ACTR1A: variants seen among roughly 807,000 people sequenced by gnomAD.
ACTR1A encodes alpha-centractin.
In ACTR1A, 10 loss-of-function variants were observed where a neutral mutation model predicts 50.7. That is an observed-to-expected ratio of 0.20 (90% CI 0.12 to 0.33). ACTR1A has a LOEUF of 0.33. ACTR1A is among the 10% of genes least tolerant of loss of function. ACTR1A has a pLI of 1.00. For missense variants in ACTR1A, 253 were observed against 491.7 expected, an observed-to-expected ratio of 0.51 and a Z score of 4.59; for synonymous variants, 177 against 184.2, an observed-to-expected ratio of 0.96 and a Z score of 0.32.
At chr10:102,502,351 G>A (rs2062261230) in intron 1 of ACTR1A, among the ~76,000 whole-genome samples, 1 of 152,356 alleles carries the variant, frequency 6.6e-6, no homozygotes, top group African/African-American at 2.4e-5. Flanking sequence ...TAGAGCCAAG[G>A]GCCCAAGGAC....
chr10:102,495,812 G>A (rs2135588449), intron 1 of ACTR1A, among the ~76,000 whole-genome samples: 1 of 141,046 alleles, frequency 7.1e-6, no homozygotes, highest in South Asian at 2.3e-4. Context: ...CCAGGCTGGA[G>A]TGCAGTGGCG....
At chr10:102,495,234 G>A (rs1264209583) in intron 1 of ACTR1A, among the ~76,000 whole-genome samples, 1 of 152,082 alleles carries the variant, frequency 6.6e-6, no homozygotes, top group East Asian at 1.9e-4. Flanking sequence ...ACTCCAGACT[G>A]GGCGATAGAG....
At chr10:102,481,586 C>T (rs1329614740) in intron 9 of ACTR1A, among the ~76,000 whole-genome samples, 1 of 152,170 alleles carries the variant, frequency 6.6e-6, no homozygotes, top group Non-Finnish European at 1.5e-5. Flanking sequence ...GCAGGGGGCC[C>T]TCTACCTAGT....
rs988421081 is a variant in ACTR1A, at chr10:102,479,440, G to C, written c.*1423C>G. On this transcript the variant is annotated 3_prime_UTR_variant, in exon 11 of 11. Coordinates refer to ENST00000369905, the MANE Select transcript of ACTR1A (RefSeq NM_005736.4). This position sits in a 1 kb window ranked among gnomAD's most constrained non-coding sequence, Gnocchi z 4.0. The stretch of plus-strand genomic sequence containing the variant: ...GGGGCCTTTGGTCATAGGACGGCGT[G>C]GGGGAGAATACTGTGTGAAGTCTGG... The C allele has an allele frequency of 1.0e-5, 4 of 400,012 alleles. No individual in the cohort carries two copies. Among genetic ancestry groups the C allele is most frequent in the Non-Finnish European group, 1.8e-5 (4 of 217,150 alleles). The allele number at this position is 400,012 out of a possible 1,614,324, so 24.8% of individuals were successfully genotyped here.
intron 6 of ACTR1A, 137 bp downstream of exon 6, chr10:102,484,023 C>A (rs1247294596): frequency 2.1e-5 from 15 of 729,182 alleles, no homozygotes; most frequent in Admixed American, 5.0e-5. Flanking sequence ...GTAGGGGAGA[C>A]CTGGCTGGGA....
Position 102,479,299 on chromosome 10 carries a change from T to G in ACTR1A, c.*1564A>C. On this transcript the variant is annotated 3_prime_UTR_variant, in exon 11 of 11. Coordinates refer to ENST00000369905, the MANE Select transcript of ACTR1A (RefSeq NM_005736.4). This position sits in a 1 kb window ranked among gnomAD's most constrained non-coding sequence, Gnocchi z 4.0. ...CCAGGCAATGTGGTTTGTGCGAGGC[T>G]GTGCGAGGGACAGGCTTGGGCTAAG... is the stretch of plus-strand genomic sequence containing the variant. 2.3e-6 allele frequency: 1 copy of G among 439,098 alleles called. No homozygotes were observed. The highest frequency in any genetic ancestry group is 4.1e-6 in the Non-Finnish European group (1 of 244,308). 27.2% of individuals were successfully genotyped at this position (439,098 alleles called of 1,614,324 possible).
intron 1 of ACTR1A, among the ~76,000 whole-genome samples, chr10:102,490,870 G>C (rs2062188731): frequency 6.6e-6 from 1 of 152,030 alleles, no homozygotes; most frequent in Non-Finnish European, 1.5e-5. Context: ...GCAGGCACCT[G>C]TAGTTCCAGC....
At chr10:102,499,135 C>G (rs1356124700) in intron 1 of ACTR1A, among the ~76,000 whole-genome samples, 1 of 152,164 alleles carries the variant, frequency 6.6e-6, no homozygotes, top group African/African-American at 2.4e-5. Context: ...CTTTCTCCTG[C>G]ATTCTTTTGA....
intron 1 of ACTR1A, among the ~76,000 whole-genome samples, chr10:102,500,604 CA>C (rs2062245749): frequency 7.1e-6 from 1 of 141,686 alleles, no homozygotes; most frequent in Admixed American, 6.9e-5. Flanking sequence ...AACAAACAAA[CA>C]AAAATTAGCC....
intron 1 of ACTR1A, among the ~76,000 whole-genome samples, chr10:102,499,677 T>C (rs1184406978): frequency 5.3e-5 from 8 of 152,210 alleles, no homozygotes; most frequent in Admixed American, 3.9e-4. Context: ...TCCTTCTGCA[T>C]TGCTGATGAA....
chr10:102,487,696 A>C (rs2062175444), intron 4 of ACTR1A, among the ~76,000 whole-genome samples: 1 of 147,832 alleles, frequency 6.8e-6, no homozygotes. Context: ...CAGTGGCGCA[A>C]TCTCGGCTCA....
chr10:102,494,767 G>A (rs2062212054), intron 1 of ACTR1A, among the ~76,000 whole-genome samples: 1 of 152,164 alleles, frequency 6.6e-6, no homozygotes, highest in African/African-American at 2.4e-5. Flanking sequence ...AGACCAGCCT[G>A]GGCAACATGG....
chr10:102,500,678 A>T (rs1171154291), intron 1 of ACTR1A, among the ~76,000 whole-genome samples: 1 of 152,118 alleles, frequency 6.6e-6, no homozygotes, highest in African/African-American at 2.4e-5. Context: ...GAATCTCTTG[A>T]ACCTGGAGGC....
intron 2 of ACTR1A, among the ~76,000 whole-genome samples, chr10:102,489,997 A>C (rs2062184475): frequency 6.6e-6 from 1 of 152,124 alleles, no homozygotes. Flanking sequence ...GCACTTTGGG[A>C]GGCCGAGGCA....
chr10:102,489,259 GTTGA>G, intron 2 of ACTR1A, 121 bp from the exon 3 acceptor site: 1 of 587,672 alleles, frequency 1.7e-6, no homozygotes, highest in South Asian at 6.2e-5. Context: ...TGAAGTCACA[GTTGA>G]TTTTGATTTT....
chr10:102,487,308 G>A lies in ACTR1A; in HGVS notation c.315+842C>T, dbSNP rs538576762. 2.6e-5 allele frequency among the ~76,000 whole-genome samples: 4 copies of A among 152,202 alleles called. No individual in the cohort carries two copies. The South Asian group carries it at 8.3e-4, about 32-fold the overall frequency. On this transcript the variant is annotated intron_variant, in intron 4 of 10. Transcript: ENST00000369905. ...CTCATGCTGTAATCCCAGCTACTTG[G>A]GAAGCTGAGGCAGGAGAATCATTTG...
chr10:102,480,684 T>C lies in ACTR1A; in HGVS notation c.*179A>G, dbSNP rs781705048. 3 of 625,390 alleles carry C rather than the reference T, an allele frequency of 4.8e-6. No homozygotes were observed. Among genetic ancestry groups the C allele is most frequent in the South Asian group, 1.9e-5 (1 of 53,508 alleles). 38.7% of individuals were successfully genotyped at this position (625,390 alleles called of 1,614,324 possible). A position where few individuals can be genotyped will look rare whatever the true frequency, so the allele number is the denominator to read the frequency against. On this transcript the variant is annotated 3_prime_UTR_variant, in exon 11 of 11. Transcript: ENST00000369905. ...GGCCTCAGGCCATCACCACTGCAGGTAGTTCATCGTCCTTTCTGGGCCCAG... is the reference window on the plus strand; with the variant it reads ...GGCCTCAGGCCATCACCACTGCAGGCAGTTCATCGTCCTTTCTGGGCCCAG...
chr10:102,480,755 C>A lies in ACTR1A; in HGVS notation c.*108G>T. The stretch of plus-strand genomic sequence containing the variant: ...CTCGCATGTGCACACACACTCATAT[C>A]CACACACGCACTCACACACAGGCAG... On this transcript the variant is annotated 3_prime_UTR_variant, in exon 11 of 11. Transcript: ENST00000369905. 1 of 916,552 alleles carries A rather than the reference C, an allele frequency of 1.1e-6. No individual in the cohort carries two copies. The highest frequency in any genetic ancestry group is 1.8e-6 in the Non-Finnish European group (1 of 557,444). The allele number at this position is 916,552 out of a possible 1,614,324, so 56.8% of individuals were successfully genotyped here. A position where few individuals can be genotyped will look rare whatever the true frequency, so the allele number is the denominator to read the frequency against.
chr10:102,483,426 T>C (rs1376401781), intron 6 of ACTR1A: 1 of 280,946 alleles, frequency 3.6e-6, no homozygotes, highest in Admixed American at 4.9e-5. Flanking sequence ...CATATGGTTC[T>C]GGTCCTACCC....
Sources: gnomAD v4.1 joint callset for allele counts (sites outside exome capture counted in the v4.1 genomes callset) on GRCh38, gnomAD v4.1.1 for gene constraint, Gnocchi (gnomAD v3.1) non-coding constraint, MANE v1.5 for transcripts, NCBI Gene and HGNC (gene_info 2026-07-23, HGNC 2026-07-21) for gene names.